The following MGMT variants were observed in gnomAD, a reference collection of about 807,000 sequenced individuals.
MGMT encodes the protein O-6-methylguanine-DNA methyltransferase, also known as methylated-DNA--protein-cysteine methyltransferase.
A neutral mutation model predicts 15.9 loss-of-function variants in MGMT; 14 were observed. The observed-to-expected ratio is 0.88, with a 90% CI of 0.58 to 1.37. MGMT has a LOEUF of 1.37. MGMT is among the 40% of genes most tolerant of loss of function. The pLI, the probability that MGMT is intolerant of heterozygous loss-of-function variation, is 0.00. For missense variants in MGMT, 282 were observed against 268.1 expected, an observed-to-expected ratio of 1.05 and a Z score of -0.36; for synonymous variants, 130 against 118.2, an observed-to-expected ratio of 1.10 and a Z score of -0.65.
At chr10:129,719,033 C>T (rs1848335615) in intron 3 of MGMT, among the ~76,000 whole-genome samples, 1 of 152,152 alleles carries the variant, frequency 6.6e-6, no homozygotes, top group African/African-American at 2.4e-5. Context: ...TAGAGCCGGT[C>T]CGTCTGCCTG....
chr10:129,528,805 A>G (rs569440061), intron 1 of MGMT, among the ~76,000 whole-genome samples: 1 of 152,298 alleles, frequency 6.6e-6, no homozygotes, highest in African/African-American at 2.4e-5. Context: ...CAAGGAAGGA[A>G]GGGTAGGGGA....
At chr10:129,558,322 A>G (rs1312351535) in intron 2 of MGMT, among the ~76,000 whole-genome samples, 1 of 152,242 alleles carries the variant, frequency 6.6e-6, no homozygotes, top group Non-Finnish European at 1.5e-5. Flanking sequence ...TAGTACGATG[A>G]ACCACACCCT....
At chr10:129,733,676 G>A (rs1391541634) in intron 3 of MGMT, among the ~76,000 whole-genome samples, 1 of 152,112 alleles carries the variant, frequency 6.6e-6, no homozygotes, top group Admixed American at 6.5e-5. Flanking sequence ...TTTCTTCTAG[G>A]TTTTTTATGG....
chr10:129,629,082 G>A lies in MGMT; in HGVS notation c.126-78813G>A, dbSNP rs2133081289. Reference sequence around the variant, plus strand: ...CATGCAGCCTTCCCAGCTGGAGCAGGTCCCACCAGCGCCCTGCCAGGCGGC... The same window carrying A: ...CATGCAGCCTTCCCAGCTGGAGCAGATCCCACCAGCGCCCTGCCAGGCGGC... On this transcript the variant is annotated intron_variant, in intron 2 of 4. Coordinates refer to ENST00000651593, the MANE Select transcript of MGMT (RefSeq NM_002412.5). Among the ~76,000 whole-genome samples the A allele has an allele frequency of 2.0e-5, 3 of 152,306 alleles. No individual in the cohort carries two copies. The South Asian group carries it at 6.2e-4, about 32-fold the overall frequency.
At chr10:129,474,166 C>T (rs1845263503) in intron 1 of MGMT, among the ~76,000 whole-genome samples, 1 of 152,208 alleles carries the variant, frequency 6.6e-6, no homozygotes, top group African/African-American at 2.4e-5. Context: ...CAGAGCTAGC[C>T]AGTGGGGCCA....
At chr10:129,516,993 G>A (rs572316387) in intron 1 of MGMT, among the ~76,000 whole-genome samples, 17 of 152,222 alleles carry the variant, frequency 1.1e-4, no homozygotes, top group Non-Finnish European at 2.5e-4. Flanking sequence ...CCCCGAGTGC[G>A]GTTGGTGGTG....
At chr10:129,652,580 G>A (rs1406960094) in intron 2 of MGMT, among the ~76,000 whole-genome samples, 1 of 152,242 alleles carries the variant, frequency 6.6e-6, no homozygotes. Context: ...GAAAGCATCG[G>A]CACTCAGAGT....
chr10:129,542,844 A>G lies in MGMT; in HGVS notation c.125+6467A>G, dbSNP rs74160222. 7.7e-3 allele frequency among the ~76,000 whole-genome samples: 1,180 copies of G among 152,288 alleles called. 21 individuals are homozygous for G. The highest frequency in any genetic ancestry group is 0.027 in the African/African-American group (1,139 of 41,556). ...GATTCCATGTCGGTGAGGCCTGTCC[A>G]CGCTGACGGATGTTGCCTCCCGTTT... On this transcript the variant is annotated intron_variant, in intron 2 of 4. Transcript: ENST00000651593.
intron 1 of MGMT, among the ~76,000 whole-genome samples, chr10:129,486,261 C>T (rs1474408382): frequency 4.0e-5 from 6 of 149,252 alleles, no homozygotes; most frequent in South Asian, 4.2e-4. Context: ...GATCTTGGCT[C>T]GCTGCGACCT....
Position 129,645,259 on chromosome 10 carries a change from A to T in MGMT, c.126-62636A>T, listed in dbSNP as rs186482964. ...CTCAGCCTCCTGAGCAGCTGGGTTTATAGGCGCCCACCACCATGCCTAGCT... is the reference window on the plus strand; with the variant it reads ...CTCAGCCTCCTGAGCAGCTGGGTTTTTAGGCGCCCACCACCATGCCTAGCT... On this transcript the variant is annotated intron_variant, in intron 2 of 4. Transcript: ENST00000651593. Among the ~76,000 whole-genome samples the T allele has an allele frequency of 4.1e-3, 626 of 151,442 alleles. 4 individuals carry two copies. The highest frequency in any genetic ancestry group is 0.013 in the African/African-American group (530 of 41,274).
chr10:129,537,540 A>G (rs974489134), intron 2 of MGMT, among the ~76,000 whole-genome samples: 5 of 152,196 alleles, frequency 3.3e-5, no homozygotes, highest in Admixed American at 6.5e-5. Flanking sequence ...GTTGCACAAT[A>G]AATCATAGAA....
In MGMT at chr10:129,606,778, G is replaced by C. The variant is rs189955580; in HGVS notation, c.125+70401G>C. ...GATAATAATGGCAGCAATTTAAAGT[G>C]ATATTAAATGAGAATTAATAAAGGA... On this transcript the variant is annotated intron_variant, in intron 2 of 4. Transcript: ENST00000651593. 1.9e-3 allele frequency among the ~76,000 whole-genome samples: 282 copies of C among 152,288 alleles called. 2 individuals are homozygous for C. The highest frequency in any genetic ancestry group is 2.8e-3 in the Non-Finnish European group (192 of 68,004).
At chr10:129,529,165 G>T (rs1292906910) in intron 1 of MGMT, among the ~76,000 whole-genome samples, 1 of 151,930 alleles carries the variant, frequency 6.6e-6, no homozygotes, top group East Asian at 1.9e-4. Context: ...GAGTGTGAGG[G>T]GCAGTGGCAG....
At chr10:129,500,403 T>G (rs1347610219) in intron 1 of MGMT, among the ~76,000 whole-genome samples, 1 of 152,152 alleles carries the variant, frequency 6.6e-6, no homozygotes, top group African/African-American at 2.4e-5. Context: ...ATCTCCACGC[T>G]TGACTTTAGG....
At chr10:129,671,832 T>G (rs1243808217) in intron 2 of MGMT, among the ~76,000 whole-genome samples, 1 of 152,260 alleles carries the variant, frequency 6.6e-6, no homozygotes, top group African/African-American at 2.4e-5. Flanking sequence ...GCAGCATTCA[T>G]GTAGAACTGT....
At chr10:129,675,242 G>A (rs1341657032) in intron 2 of MGMT, among the ~76,000 whole-genome samples, 1 of 152,132 alleles carries the variant, frequency 6.6e-6, no homozygotes, top group Non-Finnish European at 1.5e-5. Flanking sequence ...GAAGCCACGG[G>A]CAACCAGAGG....
chr10:129,517,719 G>C (rs1845754627), intron 1 of MGMT, among the ~76,000 whole-genome samples: 3 of 152,196 alleles, frequency 2.0e-5, no homozygotes, highest in Admixed American at 6.5e-5. Flanking sequence ...CTGGGGCCCT[G>C]TTTGCTCAGG....
chr10:129,552,584 C>T (rs1404791584), intron 2 of MGMT, among the ~76,000 whole-genome samples: 3 of 152,242 alleles, frequency 2.0e-5, no homozygotes, highest in Non-Finnish European at 2.9e-5. Flanking sequence ...GTCAGTTCAT[C>T]GCTTTGGTCT....
chr10:129,487,466 A>G (rs1845420110), intron 1 of MGMT, among the ~76,000 whole-genome samples: 2 of 152,110 alleles, frequency 1.3e-5, no homozygotes, highest in Non-Finnish European at 2.9e-5. Flanking sequence ...CTATATTATC[A>G]TTACCAAAAA....
Sources: allele counts gnomAD v4.1 joint callset (sites outside exome capture counted in the v4.1 genomes callset), GRCh38; gene constraint gnomAD v4.1.1; transcripts MANE v1.5; gene names NCBI Gene and HGNC (gene_info 2026-07-23, HGNC 2026-07-21).